NBPF14: variants seen among roughly 807,000 people sequenced by gnomAD.
The protein encoded by NBPF14 is NBPF family member NBPF14.
In NBPF14, 104 loss-of-function variants were observed where a neutral mutation model predicts 91.2. The observed-to-expected ratio is 1.14, with a 90% CI of 0.97 to 1.34. The LOEUF (loss-of-function observed/expected upper bound fraction) is 1.34. NBPF14 is among the 40% of genes most tolerant of loss of function. NBPF14 has a pLI of 0.00. For synonymous variants in NBPF14, 294 were observed against 303.8 expected (o/e 0.97, Z 0.34); for missense variants, 908 against 783.0 (o/e 1.16, Z -1.91).
chr1:148,587,007 G>T (rs1661652499), intron 8 of NBPF14, among the ~76,000 whole-genome samples: 1 of 146,790 alleles, frequency 6.8e-6, no homozygotes, highest in South Asian at 2.2e-4. Flanking sequence ...ACCATTTTGA[G>T]TATACTGAAT....
At chr1:148,559,865 A>C (rs1657401198) in exon 37 of NBPF14, 3 of 1,475,338 alleles carry the variant, frequency 2.0e-6, no homozygotes, top group East Asian at 5.0e-5. Context: ...GGCTGGCATG[A>C]GTCAGTCAGT....
At position 148,572,383 on chromosome 1, in the gene NBPF14, A is replaced by T. The variant is rs1659239691; in HGVS notation, c.2758+60T>A. The stretch of plus-strand genomic sequence containing the variant: ...TCAGTAAGGGGCACTTGGAACAGGA[A>T]TATCACCCCTATCTGGAAGACCAGG... On this transcript the variant is annotated intron_variant, in intron 21 of 70. Transcript: ENST00000619423. 1.5e-4 allele frequency: 58 copies of T among 383,988 alleles called. 7 individuals carry two copies. Among genetic ancestry groups the T allele is most frequent in the South Asian group, 1.2e-3 (52 of 43,354 alleles). The allele number at this position is 383,988 out of a possible 1,614,324, so 23.8% of individuals were successfully genotyped here.
At chr1:148,587,429 T>C in intron 7 of NBPF14, 26 bp from the exon 8 acceptor site, 2 of 1,557,828 alleles carry the variant, frequency 1.3e-6, no homozygotes, top group Non-Finnish European at 1.8e-6. Context: ...CACACCTACC[T>C]CAGTGGAAGG....
chr1:148,595,645 G>C, exon 2 of NBPF14: 1 of 1,411,758 alleles, frequency 7.1e-7, no homozygotes, highest in Non-Finnish European at 9.9e-7. Flanking sequence ...AGCTGGGGGC[G>C]CAATGTCTCG....
At chr1:148,580,706 G>A (rs1198550906) in intron 12 of NBPF14, among the ~76,000 whole-genome samples, 1,915 of 35,210 alleles carry the variant, frequency 0.054, 1 homozygote, top group South Asian at 0.12. Flanking sequence ...GAGAAAGGTC[G>A]GATTACCCAC....
rs1192573908 is a variant in NBPF14, at chr1:148,561,818, C to CAG, written c.4275-241_4275-240dup. Among the ~76,000 whole-genome samples the CAG allele has an allele frequency of 9.4e-3, 1,204 of 128,416 alleles. 34 individuals carry two copies. The highest frequency in any genetic ancestry group is 0.041 in the East Asian group (183 of 4,428). 84.2% of individuals were successfully genotyped at this position (128,416 alleles called of 152,430 possible). The stretch of plus-strand genomic sequence containing the variant: ...ACACACACAAACACACACACACACA[C>CAG]AGAGAGAGAGAGAGAGAGAGAGAGA... On this transcript the variant is annotated intron_variant, in intron 34 of 70. Transcript: ENST00000619423.
At chr1:148,585,439 A>G (rs1571027003) in intron 9 of NBPF14, among the ~76,000 whole-genome samples, 1 of 151,796 alleles carries the variant, frequency 6.6e-6, no homozygotes, top group Non-Finnish European at 1.5e-5. Context: ...AATATTGAAA[A>G]GACCTTTTGC....
intron 3 of NBPF14, among the ~76,000 whole-genome samples, chr1:148,593,233 G>C (rs1662790078): frequency 6.7e-6 from 1 of 148,774 alleles, no homozygotes; most frequent in African/African-American, 2.4e-5. Flanking sequence ...GTGAAAGAAT[G>C]AGAAGCCGCA....
chr1:148,560,001 G>T (rs1274144470), intron 36 of NBPF14, 36 bp from the exon 37 acceptor site: 9 of 931,856 alleles, frequency 9.7e-6, no homozygotes, highest in Non-Finnish European at 1.2e-5. Context: ...ATAAGCCAGG[G>T]GGAATCAGAA....
chr1:148,584,204 G>A (rs1221181646), intron 11 of NBPF14, among the ~76,000 whole-genome samples: 25 of 152,304 alleles, frequency 1.6e-4, no homozygotes, highest in African/African-American at 6.0e-4. Context: ...TCGAAGCTAG[G>A]AGGCCTGACA....
At chr1:148,577,488 T>G in intron 14 of NBPF14, 133 bp from the exon 15 acceptor site, 1 of 705,020 alleles carries the variant, frequency 1.4e-6, no homozygotes, top group Non-Finnish European at 2.6e-6. Context: ...GGTAACAAAT[T>G]ATTGCCTTTA....
chr1:148,566,394 C>A (rs1658286721), intron 28 of NBPF14, 79 bp from the exon 29 acceptor site: 3 of 673,322 alleles, frequency 4.5e-6, no homozygotes, highest in East Asian at 2.8e-5. Flanking sequence ...TCATGGGTAG[C>A]ATAGGGAAGT....
At chr1:148,534,830 T>C (rs1553332517) in exon 69 of NBPF14, 8 of 1,126,930 alleles carry the variant, frequency 7.1e-6, no homozygotes, top group Non-Finnish European at 1.1e-5. Flanking sequence ...TTCAGGATCT[T>C]TCTCATCCAG....
chr1:148,590,040 CTTTTT>C (rs1196401979), intron 6 of NBPF14, among the ~76,000 whole-genome samples: 7 of 76,334 alleles, frequency 9.2e-5, no homozygotes, highest in African/African-American at 2.4e-4. Context: ...CAGAGACTTA[CTTTTT>C]TTTTTTTTTT....
chr1:148,539,416 C>G, exon 63 of NBPF14: 3 of 324,182 alleles, frequency 9.3e-6, no homozygotes, highest in East Asian at 6.6e-5. Context: ...TCACTGTCCA[C>G]GTCAAGAGCC....
chr1:148,557,081 C>G (rs1219885191), intron 40 of NBPF14, among the ~76,000 whole-genome samples: 2 of 125,218 alleles, frequency 1.6e-5, no homozygotes, highest in Non-Finnish European at 3.1e-5. Context: ...CACACACACA[C>G]ACACACAGAG....
At chr1:148,532,564 A>G (rs1458762616) in exon 71 of NBPF14, 2 of 139,496 alleles carry the variant, frequency 1.4e-5, no homozygotes, top group Admixed American at 7.4e-5. Context: ...TTACAGATGG[A>G]TCAGCTAAAA....
In NBPF14 at chr1:148,534,664, C is replaced by T. The variant is rs1275879619; in HGVS notation, c.8614+20G>A. ...GGAAGACCAGGTGGAGGCTTATCAC[C>T]TTCATAGTAAGGTACTCACTGTCCA... On this transcript the variant is annotated intron_variant, in intron 69 of 70. Coordinates refer to ENST00000619423, the Ensembl canonical transcript of NBPF14. 2.7e-5 allele frequency: 22 copies of T among 818,604 alleles called. No homozygotes were observed. The highest frequency in any genetic ancestry group is 1.5e-4 in the African/African-American group (9 of 58,516). 50.7% of individuals were successfully genotyped at this position (818,604 alleles called of 1,614,324 possible).
intron 59 of NBPF14, among the ~76,000 whole-genome samples, chr1:148,542,121 T>C (rs1289911556): frequency 1.9e-5 from 2 of 104,020 alleles, no homozygotes; most frequent in African/African-American, 1.4e-4. Flanking sequence ...TCCAATCAAC[T>C]TAAAGCATAT....
Sources: gnomAD v4.1 joint callset for allele counts (sites outside exome capture counted in the v4.1 genomes callset) on GRCh38, gnomAD v4.1.1 for gene constraint, MANE v1.5 for transcripts, NCBI Gene and HGNC (gene_info 2026-07-23, HGNC 2026-07-21) for gene names.